Variants in CTNNA2 observed in about 807,000 individuals in gnomAD.
CTNNA2 encodes catenin alpha-2.
A neutral mutation model predicts 101.0 loss-of-function variants in CTNNA2; 42 were observed. The observed-to-expected ratio is 0.42, with a 90% CI of 0.32 to 0.54. The LOEUF is 0.54. Ranked by LOEUF, CTNNA2 falls within the 20% of genes least tolerant of loss-of-function variation. The probability of loss-of-function intolerance (pLI) is 0.14; values close to 1 mark genes in which losing one functional copy is unlikely to be tolerated. For synonymous variants in CTNNA2, 450 were observed against 456.4 expected (o/e 0.99, Z 0.18); for missense variants, 871 against 1,223.1 (o/e 0.71, Z 4.29).
intron 2 of CTNNA2, among the ~76,000 whole-genome samples, chr2:79,252,029 T>C (rs1339533221): frequency 7.2e-5 from 11 of 152,092 alleles, no homozygotes; most frequent in African/African-American, 1.2e-4. Flanking sequence ...AGAATAGATA[T>C]CAAGAATTCA....
chr2:79,627,592 A>G (rs1275119232), intron 1 of CTNNA2, among the ~76,000 whole-genome samples: 3 of 152,330 alleles, frequency 2.0e-5, no homozygotes, highest in East Asian at 1.9e-4. Flanking sequence ...CATATGGTCT[A>G]TCTCCCGTGT....
At chr2:79,329,420 G>A (rs1223106659) in intron 3 of CTNNA2, among the ~76,000 whole-genome samples, 1 of 152,176 alleles carries the variant, frequency 6.6e-6, no homozygotes, top group African/African-American at 2.4e-5. Flanking sequence ...TGATCAGGTG[G>A]CAGGGAACAG....
At chr2:80,049,978 A>G (rs1341115489) in intron 7 of CTNNA2, among the ~76,000 whole-genome samples, 1 of 152,078 alleles carries the variant, frequency 6.6e-6, no homozygotes, top group Non-Finnish European at 1.5e-5. Flanking sequence ...ACTCTCAGTC[A>G]CCTGCTACCA....
At chr2:79,466,596 G>A (rs993556318) in intron 4 of CTNNA2, among the ~76,000 whole-genome samples, 5 of 152,118 alleles carry the variant, frequency 3.3e-5, no homozygotes, top group Admixed American at 6.5e-5. Flanking sequence ...TGGGTCCCTG[G>A]CCCCTGAGTA....
chr2:80,330,565 G>A (rs984135696), intron 7 of CTNNA2, among the ~76,000 whole-genome samples: 1 of 151,760 alleles, frequency 6.6e-6, no homozygotes, highest in African/African-American at 2.4e-5. Context: ...TCATTTGAAG[G>A]CAAGCTGACA....
intron 2 of CTNNA2, among the ~76,000 whole-genome samples, chr2:79,302,184 AC>A (rs1394475288): frequency 3.3e-5 from 5 of 152,204 alleles, no homozygotes; most frequent in African/African-American, 1.2e-4. Context: ...AGACTTAGTG[AC>A]ATCAAACTCT....
chr2:79,588,464 C>T (rs1461811793), intron 1 of CTNNA2, among the ~76,000 whole-genome samples: 3 of 152,130 alleles, frequency 2.0e-5, no homozygotes, highest in Non-Finnish European at 4.4e-5. Context: ...GCATTGCTAT[C>T]TGTACTAGTA....
intron 4 of CTNNA2, among the ~76,000 whole-genome samples, chr2:79,447,955 A>G (rs1678851561): frequency 6.6e-6 from 1 of 152,070 alleles, no homozygotes; most frequent in African/African-American, 2.4e-5. Flanking sequence ...TTTGGCTCCC[A>G]TAAGATAATA....
At chr2:79,401,417 G>A (rs893098704) in intron 4 of CTNNA2, among the ~76,000 whole-genome samples, 26 of 151,330 alleles carry the variant, frequency 1.7e-4, no homozygotes, top group African/African-American at 6.3e-4. Context: ...TTATGTAAAA[G>A]GGCTTATAAT....
intron 1 of CTNNA2, among the ~76,000 whole-genome samples, chr2:79,647,985 T>A (rs768646060): frequency 2.8e-4 from 43 of 152,320 alleles, no homozygotes; most frequent in Non-Finnish European, 2.9e-4. Context: ...ACATTCCAAA[T>A]GTCTACTCAC....
At chr2:79,880,537 T>C (rs1233846816) in intron 6 of CTNNA2, among the ~76,000 whole-genome samples, 1 of 152,204 alleles carries the variant, frequency 6.6e-6, no homozygotes. Context: ...CTTCCTGGTT[T>C]AGTCTTGGGA....
At chr2:80,155,745 T>C (rs1473761733) in intron 7 of CTNNA2, among the ~76,000 whole-genome samples, 1 of 152,194 alleles carries the variant, frequency 6.6e-6, no homozygotes, top group South Asian at 2.1e-4. Flanking sequence ...CTGTGTTCCC[T>C]TGGGCTATTT....
chr2:79,294,807 C>A (rs1288388905), intron 2 of CTNNA2, among the ~76,000 whole-genome samples: 1 of 152,080 alleles, frequency 6.6e-6, no homozygotes, highest in African/African-American at 2.4e-5. Flanking sequence ...TATATAATAT[C>A]ATAATTCTAT....
chr2:79,401,085 A>G (rs2104480862), intron 4 of CTNNA2, among the ~76,000 whole-genome samples: 1 of 151,998 alleles, frequency 6.6e-6, no homozygotes, highest in Non-Finnish European at 1.5e-5. Context: ...AAAAAATATT[A>G]AAGGAGATCC....
intron 7 of CTNNA2, among the ~76,000 whole-genome samples, chr2:80,335,170 C>A (rs1671666813): frequency 6.6e-6 from 1 of 152,174 alleles, no homozygotes; most frequent in African/African-American, 2.4e-5. Context: ...TTCATTAGAG[C>A]CCGTCCTCTT....
intron 2 of CTNNA2, among the ~76,000 whole-genome samples, chr2:79,696,944 C>T (rs147722948): frequency 2.0e-5 from 3 of 151,940 alleles, no homozygotes; most frequent in African/African-American, 7.2e-5. Flanking sequence ...GCTATCTCTT[C>T]TAATCCATTT....
At chr2:79,948,074 C>T (rs1043384471) in intron 7 of CTNNA2, among the ~76,000 whole-genome samples, 2 of 152,162 alleles carry the variant, frequency 1.3e-5, no homozygotes, top group Non-Finnish European at 2.9e-5. Context: ...GTGCCTTATG[C>T]ACACTAGCAG....
chr2:80,248,703 G>A (rs1671532895), intron 7 of CTNNA2, among the ~76,000 whole-genome samples: 1 of 152,132 alleles, frequency 6.6e-6, no homozygotes, highest in Non-Finnish European at 1.5e-5. Flanking sequence ...AGAGGTGCTG[G>A]CTGTAATTGG....
intron 2 of CTNNA2, among the ~76,000 whole-genome samples, chr2:79,246,771 A>G (rs1007996390): frequency 6.6e-6 from 1 of 152,256 alleles, no homozygotes; most frequent in Non-Finnish European, 1.5e-5. Context: ...AGAAATAACA[A>G]TTGAGCCCAT....
Sources: allele counts gnomAD v4.1 joint callset (sites outside exome capture counted in the v4.1 genomes callset), GRCh38; gene constraint gnomAD v4.1.1; transcripts MANE v1.5; gene names NCBI Gene and HGNC (gene_info 2026-07-23, HGNC 2026-07-21).